The following CTBS variants were observed in gnomAD, a reference collection of about 807,000 sequenced individuals.
The protein encoded by CTBS is di-N-acetylchitobiase.
A neutral mutation model predicts 44.3 loss-of-function variants in CTBS; 35 were observed. The ratio of observed to expected loss-of-function variants is 0.79; its 90% CI spans 0.60 to 1.05. CTBS has a LOEUF of 1.05. Ranked by LOEUF, CTBS falls within the 50% of genes least tolerant of loss-of-function variation. The probability of loss-of-function intolerance (pLI) is 0.00; values close to 1 mark genes in which losing one functional copy is unlikely to be tolerated. For synonymous variants in CTBS, 143 were observed against 168.0 expected (o/e 0.85, Z 1.15); for missense variants, 458 against 475.3 (o/e 0.96, Z 0.34).
Position 84,552,662 on chromosome 1 carries a change from GTTTT to G in CTBS, c.*2333_*2336del, listed in dbSNP as rs746536674. Reference sequence around the variant, plus strand: ...CGTTCCTAAGGGCTAGGAATTAAGGGTTTTTTTTGTATTTTGTTTTCTTGTTGTT... The same window carrying G: ...CGTTCCTAAGGGCTAGGAATTAAGGGTTTTGTATTTTGTTTTCTTGTTGTT... On this transcript the variant is annotated 3_prime_UTR_variant, in exon 7 of 7. Coordinates refer to ENST00000370630, the MANE Select transcript of CTBS (RefSeq NM_004388.3). The G allele has an allele frequency of 6.1e-6, 1 of 163,000 alleles. No individual in the cohort carries two copies. The highest frequency in any genetic ancestry group is 1.3e-5 in the Non-Finnish European group (1 of 75,514). 10.1% of individuals were successfully genotyped at this position (163,000 alleles called of 1,614,324 possible).
chr1:84,560,111 AAGAAAG>A (rs1306365437), intron 6 of CTBS, among the ~76,000 whole-genome samples: 1 of 148,336 alleles, frequency 6.7e-6, no homozygotes, highest in Non-Finnish European at 1.5e-5. Context: ...GAAAGAAAGA[AAGAAAG>A]AAAGAAAGAA....
rs1684319531 is a variant in CTBS, at chr1:84,552,876, A to G, written c.*2123T>C. The G allele has an allele frequency of 1.8e-6, 1 of 566,412 alleles. No individual in the cohort carries two copies. Among genetic ancestry groups the G allele is most frequent in the African/African-American group, 1.9e-5 (1 of 51,698 alleles). The allele number at this position is 566,412 out of a possible 1,614,324, so 35.1% of individuals were successfully genotyped here. On this transcript the variant is annotated 3_prime_UTR_variant, in exon 7 of 7. Transcript: ENST00000370630. ...GCTTATTAAACAGCATTCATAATCT[A>G]CACATTTACTGTAGTAATCCAGTGG...
chr1:84,561,700 C>T (rs1432449195), intron 6 of CTBS, among the ~76,000 whole-genome samples: 1 of 152,180 alleles, frequency 6.6e-6, no homozygotes, highest in African/African-American at 2.4e-5. Context: ...CTTCAGCAAC[C>T]ACCACCCTGA....
intron 3 of CTBS, among the ~76,000 whole-genome samples, chr1:84,569,445 AATC>A (rs1647229511): frequency 6.6e-6 from 1 of 152,184 alleles, no homozygotes; most frequent in Non-Finnish European, 1.5e-5. Context: ...CTTCTGCTCT[AATC>A]ATGTTCATTA....
At position 84,554,845 on chromosome 1, in the gene CTBS, G is replaced by A; in HGVS notation, c.*154C>T. The A allele has an allele frequency of 6.4e-6, 4 of 622,670 alleles. No homozygotes were observed. Among genetic ancestry groups the A allele is most frequent in the Non-Finnish European group, 1.1e-5 (4 of 371,136 alleles). The allele number at this position is 622,670 out of a possible 1,614,324, so 38.6% of individuals were successfully genotyped here. A position where few individuals can be genotyped will look rare whatever the true frequency, so the allele number is the denominator to read the frequency against. On this transcript the variant is annotated 3_prime_UTR_variant, in exon 7 of 7. Transcript: ENST00000370630. Reference sequence around the variant, plus strand: ...TCCTGGATACTGAGGACATTCGTGTGTATTTTTCAAATTCAAACAATCAAA... The same window carrying A: ...TCCTGGATACTGAGGACATTCGTGTATATTTTTCAAATTCAAACAATCAAA...
At chr1:84,561,507 T>C (rs1684593413) in intron 6 of CTBS, among the ~76,000 whole-genome samples, 1 of 152,234 alleles carries the variant, frequency 6.6e-6, no homozygotes, top group Admixed American at 6.5e-5. Context: ...TATAAACTTA[T>C]TAATAAAGCA....
intron 6 of CTBS, among the ~76,000 whole-genome samples, chr1:84,558,506 T>G (rs1684520483): frequency 6.6e-6 from 1 of 151,046 alleles, no homozygotes; most frequent in Non-Finnish European, 1.5e-5. Context: ...TTAGCCGGGA[T>G]GGTCTCGATC....
At position 84,550,627 on chromosome 1, in the gene CTBS, C is replaced by G; in HGVS notation, c.*4372G>C. On this transcript the variant is annotated 3_prime_UTR_variant, in exon 7 of 7. Coordinates refer to ENST00000370630, the MANE Select transcript of CTBS (RefSeq NM_004388.3). Reference sequence around the variant, plus strand: ...TTGGGTGTCAATAATATAAGGGTAGCCAGGATTGACTGTATTAAAATTGTT... The same window carrying G: ...TTGGGTGTCAATAATATAAGGGTAGGCAGGATTGACTGTATTAAAATTGTT... 4 of 1,319,110 alleles carry G rather than the reference C, an allele frequency of 3.0e-6. No homozygotes were observed. The highest frequency in any genetic ancestry group is 3.9e-6 in the Non-Finnish European group (4 of 1,028,034). 81.7% of individuals were successfully genotyped at this position (1,319,110 alleles called of 1,614,324 possible). A position where few individuals can be genotyped will look rare whatever the true frequency, so the allele number is the denominator to read the frequency against.
intron 2 of CTBS, among the ~76,000 whole-genome samples, chr1:84,570,340 T>C (rs1226659583): frequency 6.6e-6 from 1 of 152,238 alleles, no homozygotes; most frequent in Non-Finnish European, 1.5e-5. Context: ...TTGTGGACTA[T>C]GATTAAGTAA....
At chr1:84,561,609 T>C (rs1684595021) in intron 6 of CTBS, among the ~76,000 whole-genome samples, 1 of 152,208 alleles carries the variant, frequency 6.6e-6, no homozygotes, top group African/African-American at 2.4e-5. Context: ...TACACAGAAA[T>C]CTTTCGTGAA....
Position 84,565,938 on chromosome 1 carries a change from A to G in CTBS, c.600T>C (p.Ala200=), listed in dbSNP as rs1195731431. 3 of 1,601,784 alleles carry G rather than the reference A, an allele frequency of 1.9e-6. No individual in the cohort carries two copies. Among genetic ancestry groups the G allele is most frequent in the Non-Finnish European group, 2.6e-6 (3 of 1,174,486 alleles). The change falls in exon 4 of 7, where the codon GCT becomes GCC. Residue 200 remains alanine (A), a synonymous_variant. Transcript: ENST00000370630. ...AAGACATCACAAAGAGGAAGTCACA[A>G]GCATCTGCGATTCCAGTATAATTAT... The part of the protein sequence containing the change: ...RCYNYTGIAD[A]CDFLFVMSYD...
At chr1:84,570,785 C>T (rs772268573) in intron 1 of CTBS, 65 bp from the exon 2 acceptor site, 388 of 1,509,866 alleles carry the variant, frequency 2.6e-4, no homozygotes, top group Non-Finnish European at 3.3e-4. Context: ...TCCAAAATAC[C>T]GTTCATCAAA....
chr1:84,570,606 T>C lies in CTBS; in HGVS notation c.292A>G (p.Lys98Glu). 1.9e-6 allele frequency: 3 copies of C among 1,613,304 alleles called. No homozygotes were observed. The highest frequency in any genetic ancestry group is 2.5e-6 in the Non-Finnish European group (3 of 1,179,472). The change falls in exon 2 of 7, where the codon AAA (lysine) becomes GAA (glutamate). Residue 98 changes from lysine (K) to glutamate (E), a missense_variant. Transcript: ENST00000370630. Reference protein sequence around the residue: ...DSELMCYAHSKGARVVLKGDV... With the variant: ...DSELMCYAHSEGARVVLKGDV... The stretch of plus-strand genomic sequence containing the variant: ...CCTTTAAGTACTACTCTGGCTCCTT[T>C]TGAATGAGCGTAGCACATAAGTTCT...
intron 1 of CTBS, among the ~76,000 whole-genome samples, chr1:84,573,211 C>G (rs546882697): frequency 1.1e-4 from 16 of 152,304 alleles, no homozygotes; most frequent in African/African-American, 3.8e-4. Flanking sequence ...TCCACCAAGT[C>G]ATAGCTAAAT....
At chr1:84,570,823 G>T in intron 1 of CTBS, 103 bp from the exon 2 acceptor site, 1 of 1,126,080 alleles carries the variant, frequency 8.9e-7, no homozygotes. Context: ...CACTATGGTG[G>T]CAGTGAGAGT....
chr1:84,555,421 C>G (rs1047303978), intron 6 of CTBS, among the ~76,000 whole-genome samples: 1 of 152,144 alleles, frequency 6.6e-6, no homozygotes, highest in African/African-American at 2.4e-5. Flanking sequence ...CCCTGACTTA[C>G]AATGGTTCAA....
rs1025278684 is a variant in CTBS at position 84,554,802 on chromosome 1, T to G, written c.*197A>C. 4.0e-6 allele frequency: 2 copies of G among 501,460 alleles called. No individual in the cohort carries two copies. The highest frequency in any genetic ancestry group is 7.0e-6 in the Non-Finnish European group (2 of 285,944). The allele number at this position is 501,460 out of a possible 1,614,324, so 31.1% of individuals were successfully genotyped here. A position where few individuals can be genotyped will look rare whatever the true frequency, so the allele number is the denominator to read the frequency against. ...GGAATATTTAATAGGTAAGTTGACT[T>G]GCTTCTTGCCTTTATGTTCCTGGAT... On this transcript the variant is annotated 3_prime_UTR_variant, in exon 7 of 7. Transcript: ENST00000370630.
intron 6 of CTBS, among the ~76,000 whole-genome samples, chr1:84,558,916 G>T (rs1174023046): frequency 1.3e-5 from 2 of 151,784 alleles, no homozygotes; most frequent in Non-Finnish European, 2.9e-5. Context: ...AAAGAAGAAT[G>T]TGTTCCTGCA....
intron 6 of CTBS, among the ~76,000 whole-genome samples, chr1:84,558,328 C>T (rs1684510946): frequency 6.6e-6 from 1 of 150,428 alleles, no homozygotes; most frequent in African/African-American, 2.4e-5. Context: ...CTCGCTCTGT[C>T]GCCCAGGCTG....
Sources: gnomAD v4.1 joint callset for allele counts (sites outside exome capture counted in the v4.1 genomes callset) on GRCh38, gnomAD v4.1.1 for gene constraint, MANE v1.5 for transcripts, NCBI Gene and HGNC (gene_info 2026-07-23, HGNC 2026-07-21) for gene names.